Variants in MYO18B observed in about 807,000 individuals in gnomAD.
MYO18B encodes the protein myosin XVIIIB.
Under a neutral mutation model 273.0 loss-of-function variants are expected in MYO18B, and 204 were observed. That is an observed-to-expected ratio of 0.75 (90% CI 0.67 to 0.84). MYO18B has a LOEUF of 0.84. MYO18B is among the 40% of genes least tolerant of loss of function. The pLI is 0.00. For missense variants in MYO18B, 3,212 were observed against 3,287.6 expected (o/e 0.98, Z 0.56); for synonymous variants, 1,330 against 1,305.7 (o/e 1.02, Z -0.40).
At chr22:25,810,211 C>A in intron 12 of MYO18B, among the ~76,000 whole-genome samples, 1 of 151,246 alleles carries the variant, frequency 6.6e-6, no homozygotes, top group Admixed American at 6.6e-5. Flanking sequence ...CATTCTCCTG[C>A]CTCAGCCTCC....
At chr22:25,774,489 C>G (rs1314131739) in intron 7 of MYO18B, among the ~76,000 whole-genome samples, 3 of 152,244 alleles carry the variant, frequency 2.0e-5, no homozygotes, top group Non-Finnish European at 4.4e-5. Flanking sequence ...ATTGAGGCAT[C>G]AGAACTTAGG....
intron 12 of MYO18B, among the ~76,000 whole-genome samples, chr22:25,808,248 C>T (rs924328362): frequency 2.6e-5 from 4 of 152,178 alleles, no homozygotes; most frequent in Non-Finnish European, 2.9e-5. Context: ...ATCCTCTTCC[C>T]AGGAATGACC....
At chr22:25,820,336 G>T (rs1379790655) in intron 12 of MYO18B, among the ~76,000 whole-genome samples, 2 of 151,924 alleles carry the variant, frequency 1.3e-5, no homozygotes. Flanking sequence ...CTTGGGTAGG[G>T]TCAAAGTCCT....
chr22:25,969,462 TAA>T (rs1342475512), intron 39 of MYO18B, among the ~76,000 whole-genome samples: 5 of 152,222 alleles, frequency 3.3e-5, no homozygotes, highest in East Asian at 1.9e-4. Flanking sequence ...CTGATTTTTA[TAA>T]ATAAAGTTTT....
rs896863608 is a variant in MYO18B at position 25,764,454 on chromosome 22, G to A, written c.198+1065G>A. On this transcript the variant is annotated intron_variant, in intron 3 of 43. Coordinates refer to ENST00000335473, the MANE Select transcript of MYO18B (RefSeq NM_032608.7). ...GAATGCTGCAATGCTTGGGCTGAGA[G>A]GTCTGGTGGCCTCAGGGCCTGGTGC... Among the ~76,000 whole-genome samples, 7 of 152,310 alleles carry A rather than the reference G, an allele frequency of 4.6e-5. No homozygotes were observed. The East Asian group carries it at 1.4e-3, about 29-fold the overall frequency.
intron 39 of MYO18B, among the ~76,000 whole-genome samples, chr22:25,956,746 A>G (rs1281361131): frequency 6.6e-6 from 1 of 152,154 alleles, no homozygotes; most frequent in Admixed American, 6.5e-5. Context: ...GAGACAGCCC[A>G]CAATATGCCA....
chr22:25,909,143 A>G (rs1569179493), intron 32 of MYO18B, among the ~76,000 whole-genome samples: 1 of 152,180 alleles, frequency 6.6e-6, no homozygotes, highest in Non-Finnish European at 1.5e-5. Context: ...TGCCCTTATA[A>G]CCAGTGCCGA....
intron 9 of MYO18B, 25 bp downstream of exon 9, chr22:25,780,223 A>T: frequency 6.3e-7 from 1 of 1,589,724 alleles, no homozygotes; most frequent in Non-Finnish European, 8.5e-7. Context: ...GGGATGTGCA[A>T]GGGGGCCCTT....
Position 25,955,827 on chromosome 22 carries a change from G to T in MYO18B, c.6156+463G>T, listed in dbSNP as rs973627580. On this transcript the variant is annotated intron_variant, in intron 39 of 43. Coordinates refer to ENST00000335473, the MANE Select transcript of MYO18B (RefSeq NM_032608.7). ...AGATGAGGACAAACCGAGCCTTCCA[G>T]AAGGGGAGATGACTAGTCTAAGGCC... 2.0e-5 allele frequency among the ~76,000 whole-genome samples: 3 copies of T among 152,286 alleles called. No homozygotes were observed. The East Asian group carries it at 5.8e-4, about 29-fold the overall frequency.
chr22:25,785,789 C>T (rs139280243), intron 11 of MYO18B, among the ~76,000 whole-genome samples: 124 of 152,276 alleles, frequency 8.1e-4, no homozygotes, highest in African/African-American at 2.8e-3. Flanking sequence ...CAGGCATGGA[C>T]CTTAACCTCC....
chr22:25,942,195 C>T (rs2092652233), intron 34 of MYO18B, among the ~76,000 whole-genome samples: 1 of 152,242 alleles, frequency 6.6e-6, no homozygotes, highest in African/African-American at 2.4e-5. Flanking sequence ...TCAGGTCTGG[C>T]TCCAGTGCCC....
chr22:26,042,398 C>G, the MYO18B span, among the ~76,000 whole-genome samples: 1 of 152,230 alleles, frequency 6.6e-6, no homozygotes, highest in Non-Finnish European at 1.5e-5. Context: ...CATCCCCCGG[C>G]CTGCCCTTGC....
Position 25,851,493 on chromosome 22 carries a change from A to G in MYO18B, c.3799A>G (p.Thr1267Ala), listed in dbSNP as rs774889930. The part of the protein sequence containing the change: ...RTGYADHMGL[T>A]RFRRQFQVLD... ...AGGCTATGCTGACCACATGGGGCTC[A>G]CTCGCTTCCGCCGGCAATTCCAGGT... is the stretch of plus-strand genomic sequence containing the variant. Residue 1267 changes from threonine to alanine, a missense_variant, in exon 21 of 44, where the codon ACT (threonine) becomes GCT (alanine). Transcript: ENST00000335473. 1.5e-4 allele frequency: 232 copies of G among 1,557,536 alleles called. 2 individuals carry two copies. In the East Asian group the frequency reaches 5.5e-3, roughly 37 times the overall value.
intron 40 of MYO18B, among the ~76,000 whole-genome samples, chr22:25,993,501 G>A (rs1457321908): frequency 1.3e-5 from 2 of 152,182 alleles, no homozygotes; most frequent in Non-Finnish European, 2.9e-5. Flanking sequence ...TCTCTGCGAA[G>A]GCTGTTTTTT....
intron 21 of MYO18B, among the ~76,000 whole-genome samples, chr22:25,865,857 T>A (rs1416177027): frequency 6.6e-6 from 1 of 150,596 alleles, no homozygotes; most frequent in Non-Finnish European, 1.5e-5. Context: ...TTTTTTATTG[T>A]TTTTTTTTCT....
chr22:26,018,437 A>T (rs1044692228), intron 42 of MYO18B, among the ~76,000 whole-genome samples: 2 of 151,918 alleles, frequency 1.3e-5, no homozygotes, highest in Admixed American at 1.3e-4. Context: ...CTTGCTTTGA[A>T]CTTCCCTCTC....
rs150792966 is a variant in MYO18B at position 25,982,880 on chromosome 22, C to T, written c.6157-9483C>T. 1.0e-3 allele frequency among the ~76,000 whole-genome samples: 154 copies of T among 152,280 alleles called. 2 individuals carry two copies. In the South Asian group the frequency reaches 0.03, roughly 30 times the overall value. ...GACATCTTTGGGAGGACTTTATACA[C>T]GCTGCCAAATACCTTGAGCCAGAAC... is the stretch of plus-strand genomic sequence containing the variant. On this transcript the variant is annotated intron_variant, in intron 39 of 43. Coordinates refer to ENST00000335473, the MANE Select transcript of MYO18B (RefSeq NM_032608.7).
chr22:25,768,947 A>C lies in MYO18B; in HGVS notation c.1031A>C (p.Lys344Thr), dbSNP rs2086613287. 1.2e-6 allele frequency: 2 copies of C among 1,611,986 alleles called. No homozygotes were observed. The highest frequency in any genetic ancestry group is 1.7e-6 in the Non-Finnish European group (2 of 1,179,036). ...GACAAAGAAGGGGTGCTCTTAAGTA[A>C]GGCAGAGAAGACAGGTGAGCCTCAG... ...KKDKEGVLLSKAEKTGEPQTQ... is the reference protein window; with the variant it reads ...KKDKEGVLLSTAEKTGEPQTQ... The change falls in exon 4 of 44, where the codon AAG (lysine) becomes ACG (threonine). Residue 344 changes from lysine to threonine, a missense_variant. Lys to Thr is a moderately conservative substitution (Grantham distance 78). Coordinates refer to ENST00000335473, the MANE Select transcript of MYO18B (RefSeq NM_032608.7).
In MYO18B at chr22:25,763,523, C is replaced by T. The variant is rs928105964; in HGVS notation, c.198+134C>T. ...GTTTTGAGGAATGTCCTTTATTCAACTTGATCTATTGAGCTCTTATGTACC... is the reference window on the plus strand; with the variant it reads ...GTTTTGAGGAATGTCCTTTATTCAATTTGATCTATTGAGCTCTTATGTACC... On this transcript the variant is annotated intron_variant, in intron 3 of 43. Coordinates refer to ENST00000335473, the MANE Select transcript of MYO18B (RefSeq NM_032608.7). The T allele has an allele frequency of 4.6e-6, 5 of 1,090,368 alleles. No homozygotes were observed. The South Asian group carries it at 6.3e-5, about 14-fold the overall frequency. The allele number at this position is 1,090,368 out of a possible 1,614,324, so 67.5% of individuals were successfully genotyped here.
Sources: allele counts gnomAD v4.1 joint callset (sites outside exome capture counted in the v4.1 genomes callset), GRCh38; gene constraint gnomAD v4.1.1; transcripts MANE v1.5; gene names NCBI Gene and HGNC (gene_info 2026-07-23, HGNC 2026-07-21).